PARD3B: variants seen among roughly 807,000 people sequenced by gnomAD.
The protein encoded by PARD3B is partitioning defective 3 homolog B.
In PARD3B, 103 loss-of-function variants were observed where a neutral mutation model predicts 130.2. The observed-to-expected ratio is 0.79, with a 90% CI of 0.67 to 0.93. The LOEUF (loss-of-function observed/expected upper bound fraction) is 0.93, where lower values mean the gene tolerates loss of function less well. Among genes scored for constraint, PARD3B ranks in the 40% least tolerant of loss-of-function variants. PARD3B has a pLI of 0.00. For missense variants in PARD3B, 1,609 were observed against 1,499.2 expected, an observed-to-expected ratio of 1.07 and a Z score of -1.21; for synonymous variants, 583 against 553.2, an observed-to-expected ratio of 1.05 and a Z score of -0.76.
rs775073689 is a variant in PARD3B at position 205,011,024 on chromosome 2, C to T, written c.395-36557C>T. On this transcript the variant is annotated intron_variant, in intron 3 of 22. Coordinates refer to ENST00000406610, the MANE Select transcript of PARD3B (RefSeq NM_001302769.2). The surrounding 1 kb of genome is among the most constrained non-coding windows in gnomAD (Gnocchi z 4.1). ...AAGGATCCCCTTAAAAAGCTGATTG[C>T]GGCTCTCTGGTGTATGGGGTTTAGT... Among the ~76,000 whole-genome samples, 5 of 152,064 alleles carry T rather than the reference C, an allele frequency of 3.3e-5. No homozygotes were observed. Among genetic ancestry groups the T allele is most frequent in the Non-Finnish European group, 5.9e-5 (4 of 68,026 alleles).
chr2:205,106,349 A>G (rs1012393200), intron 5 of PARD3B, among the ~76,000 whole-genome samples: 1 of 151,878 alleles, frequency 6.6e-6, no homozygotes, highest in African/African-American at 2.4e-5. Flanking sequence ...GGGTTTCTCC[A>G]TGTTGGTCAG....
In PARD3B at chr2:204,683,405, A is replaced by T. The variant is rs2036930179; in HGVS notation, c.121-2776A>T. Among the ~76,000 whole-genome samples the T allele has an allele frequency of 4.6e-5, 7 of 152,172 alleles. No homozygotes were observed. The South Asian group carries it at 1.2e-3, about 27-fold the overall frequency. On this transcript the variant is annotated intron_variant, in intron 1 of 22. Transcript: ENST00000406610. ...TCATATCTGATCAGTTTTATTCCTG[A>T]TGGCAATAAAACCATGTAAATGAAA...
chr2:205,429,627 C>T (rs968150321), intron 19 of PARD3B, among the ~76,000 whole-genome samples: 34 of 152,092 alleles, frequency 2.2e-4, no homozygotes, highest in Admixed American at 9.2e-4. Flanking sequence ...TATAACTGTA[C>T]TTTGTTATGT....
rs369826402 is a variant in PARD3B, at chr2:205,121,855, G to T, written c.1071G>T (p.Arg357Ser). 4 of 1,613,988 alleles carry T rather than the reference G, an allele frequency of 2.5e-6. No individual in the cohort carries two copies. Among genetic ancestry groups the T allele is most frequent in the Admixed American group, 1.7e-5 (1 of 60,008 alleles). ...AAAACAAGAGTCCCCGAGTACCAAG[G>T]CTGGGAGGAAAACCATCCTCTCCCT... is the stretch of plus-strand genomic sequence containing the variant. The part of the protein sequence containing the change: ...LQQNKSPRVP[R>S]LGGKPSSPSL... Residue 357 changes from arginine to serine, a missense_variant, in exon 8 of 23, where the codon AGG becomes AGT. Physicochemically the swap from Arg to Ser is moderately radical, Grantham distance 110 (BLOSUM62 -1). Coordinates refer to ENST00000406610, the MANE Select transcript of PARD3B (RefSeq NM_001302769.2). The surrounding 1 kb of genome is among the most constrained non-coding windows in gnomAD (Gnocchi z 5.0).
intron 20 of PARD3B, among the ~76,000 whole-genome samples, chr2:205,462,379 TA>T: frequency 6.6e-6 from 1 of 152,244 alleles, no homozygotes. Flanking sequence ...ATTACAGTCT[TA>T]ATGTTTTTTT....
At position 205,405,002 on chromosome 2, in the gene PARD3B, AT is replaced by A. The variant is rs1021339762; in HGVS notation, c.2741+3886del. 3.9e-5 allele frequency among the ~76,000 whole-genome samples: 6 copies of A among 152,136 alleles called. No individual in the cohort carries two copies. The South Asian group carries it at 8.3e-4, about 21-fold the overall frequency. ...TATATTCTCTCTCCCCATTCATCTA[AT>A]TTTTTTGTGCTGATTTTCATATCTC... On this transcript the variant is annotated intron_variant, in intron 19 of 22. Coordinates refer to ENST00000406610, the MANE Select transcript of PARD3B (RefSeq NM_001302769.2). The surrounding 1 kb of genome is among the most constrained non-coding windows in gnomAD (Gnocchi z 4.1).
chr2:205,002,046 A>T lies in PARD3B; in HGVS notation c.394+36723A>T, dbSNP rs529618666. ...AAAAATATATTTACTCCATTCCCTA[A>T]TATAAGTAGCTACGATTAACATTCA... is the stretch of plus-strand genomic sequence containing the variant. On this transcript the variant is annotated intron_variant, in intron 3 of 22. Transcript: ENST00000406610. Among the ~76,000 whole-genome samples the T allele has an allele frequency of 2.0e-5, 3 of 152,198 alleles. No homozygotes were observed. In the East Asian group the frequency reaches 5.8e-4, roughly 29 times the overall value.
intron 3 of PARD3B, among the ~76,000 whole-genome samples, chr2:205,023,841 TCGG>T (rs1696814585): frequency 6.6e-6 from 1 of 152,116 alleles, no homozygotes; most frequent in Non-Finnish European, 1.5e-5. Flanking sequence ...TGTATTTACT[TCGG>T]CAGCTCCAGA....
intron 2 of PARD3B, among the ~76,000 whole-genome samples, chr2:204,899,891 G>GTT (rs200980141): frequency 1.4e-5 from 2 of 146,762 alleles, no homozygotes; most frequent in Admixed American, 6.8e-5. Flanking sequence ...TTTGATAAAA[G>GTT]TTTTTTTTTT....
At chr2:205,381,522 G>T (rs912348233) in intron 18 of PARD3B, among the ~76,000 whole-genome samples, 15 of 151,652 alleles carry the variant, frequency 9.9e-5, no homozygotes, top group African/African-American at 3.4e-4. Flanking sequence ...CTACTAATTT[G>T]TCTCCTCTAG....
At chr2:204,635,138 G>A (rs1449366593) in intron 1 of PARD3B, among the ~76,000 whole-genome samples, 1 of 152,152 alleles carries the variant, frequency 6.6e-6, no homozygotes, top group African/African-American at 2.4e-5. Context: ...TTTTTAGCCA[G>A]TGGAAGCCTC....
At position 205,488,265 on chromosome 2, in the gene PARD3B, G is replaced by A. The variant is rs1366189090; in HGVS notation, c.3045-11631G>A. 2.6e-5 allele frequency among the ~76,000 whole-genome samples: 4 copies of A among 152,142 alleles called. No individual in the cohort carries two copies. The East Asian group carries it at 7.8e-4, about 30-fold the overall frequency. On this transcript the variant is annotated intron_variant, in intron 20 of 22. Coordinates refer to ENST00000406610, the MANE Select transcript of PARD3B (RefSeq NM_001302769.2). ...GGAAGACAATTTTTCCACAGGGCGG[G>A]GGGTGTTGGGGGTTGGGGAACACAG... is the stretch of plus-strand genomic sequence containing the variant.
In PARD3B at chr2:205,006,008, T is replaced by C. The variant is rs573243380; in HGVS notation, c.394+40685T>C. On this transcript the variant is annotated intron_variant, in intron 3 of 22. Transcript: ENST00000406610. ...TCCCCGAAGTTCATTATATTAGTCT[T>C]AGGCCTTTGCATCGTCATAGCTTAG... is the stretch of plus-strand genomic sequence containing the variant. Among the ~76,000 whole-genome samples, 5 of 152,288 alleles carry C rather than the reference T, an allele frequency of 3.3e-5. No homozygotes were observed. The South Asian group carries it at 1.0e-3, about 32-fold the overall frequency.
chr2:205,157,281 T>A (rs2034233055), intron 10 of PARD3B, among the ~76,000 whole-genome samples: 1 of 152,210 alleles, frequency 6.6e-6, no homozygotes. Context: ...ACTCTGGCAT[T>A]CCAATGGAAA....
intron 14 of PARD3B, among the ~76,000 whole-genome samples, chr2:205,189,085 T>C (rs183867318): frequency 6.6e-6 from 1 of 152,288 alleles, no homozygotes; most frequent in Admixed American, 6.5e-5. Flanking sequence ...AGACAGAATA[T>C]ATCGAATATT....
intron 2 of PARD3B, among the ~76,000 whole-genome samples, chr2:204,765,298 A>G (rs1005192993): frequency 1.3e-5 from 2 of 152,182 alleles, no homozygotes; most frequent in African/African-American, 4.8e-5. Flanking sequence ...CTGGGGTTGG[A>G]GGCCACAGTC....
rs562778417 is a variant in PARD3B, at chr2:204,570,822, T to G, written c.120+24703T>G. On this transcript the variant is annotated intron_variant, in intron 1 of 22. Transcript: ENST00000406610. ...ACTGAGGTGTATAAGCTGTTGTAACTGAGGTGTATAAGCTGTTGCAACTGA... is the reference window on the plus strand; with the variant it reads ...ACTGAGGTGTATAAGCTGTTGTAACGGAGGTGTATAAGCTGTTGCAACTGA... Among the ~76,000 whole-genome samples the G allele has an allele frequency of 8.7e-3, 1,303 of 150,140 alleles. 18 individuals carry two copies. Among genetic ancestry groups the G allele is most frequent in the African/African-American group, 0.031 (1,228 of 40,094 alleles).
rs1172519533 is a variant in PARD3B, at chr2:205,619,799, C to T, written c.*3986C>T. The T allele has an allele frequency of 6.6e-6, 1 of 152,164 alleles. No homozygotes were observed. The highest frequency in any genetic ancestry group is 6.5e-5 in the Admixed American group (1 of 15,284). The allele number at this position is 152,164 out of a possible 1,614,324, so 9.4% of individuals were successfully genotyped here. A position where few individuals can be genotyped will look rare whatever the true frequency, so the allele number is the denominator to read the frequency against. ...TGACTTTTAAAGACAAGCTTGGCTA[C>T]AGGAAATGAACCAACCCCAAAGACT... On this transcript the variant is annotated 3_prime_UTR_variant, in exon 23 of 23. Coordinates refer to ENST00000406610, the MANE Select transcript of PARD3B (RefSeq NM_001302769.2).
At chr2:204,961,260 A>AT (rs1321219357) in intron 2 of PARD3B, among the ~76,000 whole-genome samples, 1 of 152,112 alleles carries the variant, frequency 6.6e-6, no homozygotes, top group Non-Finnish European at 1.5e-5. Context: ...AGTGGGTAGA[A>AT]ACAAGGGAAC....
Sources: allele counts gnomAD v4.1 joint callset (sites outside exome capture counted in the v4.1 genomes callset), GRCh38; gene constraint gnomAD v4.1.1; non-coding constraint Gnocchi (gnomAD v3.1); transcripts MANE v1.5; gene names NCBI Gene and HGNC (gene_info 2026-07-23, HGNC 2026-07-21).